The following FOXP1 variants were observed in gnomAD, a reference collection of about 807,000 sequenced individuals.
FOXP1 encodes forkhead box P1.
A neutral mutation model predicts 98.2 loss-of-function variants in FOXP1; 15 were observed. The observed-to-expected ratio is 0.15, with a 90% CI of 0.10 to 0.24. FOXP1 has a LOEUF of 0.24. FOXP1 is among the 10% of genes least tolerant of loss of function. The pLI, the probability that FOXP1 is intolerant of heterozygous loss-of-function variation, is 1.00. For synonymous variants in FOXP1, 371 were observed against 314.5 expected (o/e 1.18, Z -1.90); for missense variants, 633 against 848.5 (o/e 0.75, Z 3.15).
intron 2 of FOXP1, among the ~76,000 whole-genome samples, chr3:71,574,684 G>GA (rs969417733): frequency 4.0e-5 from 6 of 151,244 alleles, no homozygotes; most frequent in African/African-American, 1.2e-4. Context: ...GGAATACTCA[G>GA]AAAAAAAAAT....
chr3:71,111,885 T>C (rs929746478), intron 7 of FOXP1, among the ~76,000 whole-genome samples: 15 of 152,158 alleles, frequency 9.9e-5, no homozygotes, highest in African/African-American at 2.9e-4. Flanking sequence ...GTATATATTA[T>C]AATCATTACA....
intron 6 of FOXP1, chr3:71,130,601 G>A: frequency 8.8e-6 from 14 of 1,598,354 alleles, no homozygotes; most frequent in Non-Finnish European, 1.2e-5. Flanking sequence ...AGCGGGGGTT[G>A]CCGAGTGGTA....
intron 4 of FOXP1, among the ~76,000 whole-genome samples, chr3:71,344,980 A>T (rs2077236824): frequency 1.3e-5 from 2 of 152,258 alleles, no homozygotes; most frequent in African/African-American, 4.8e-5. Flanking sequence ...CACATTCTAT[A>T]CTGCATATAT....
chr3:71,463,465 C>T (rs2088368448), intron 3 of FOXP1, among the ~76,000 whole-genome samples: 1 of 151,266 alleles, frequency 6.6e-6, no homozygotes, highest in African/African-American at 2.4e-5. Flanking sequence ...CAGGAAAATT[C>T]AGGGCCCTGC....
chr3:71,568,803 C>T (rs917848307), intron 2 of FOXP1, among the ~76,000 whole-genome samples: 6 of 152,092 alleles, frequency 3.9e-5, no homozygotes, highest in Non-Finnish European at 5.9e-5. Flanking sequence ...TGAGCCACCA[C>T]GCCCGGCTAA....
At chr3:71,217,992 C>G (rs1280359707) in intron 5 of FOXP1, among the ~76,000 whole-genome samples, 1 of 152,186 alleles carries the variant, frequency 6.6e-6, no homozygotes, top group African/African-American at 2.4e-5. Context: ...ACATCCTCCC[C>G]TCCCCTGGCT....
chr3:71,010,186 A>G (rs559412685), intron 12 of FOXP1, among the ~76,000 whole-genome samples: 75 of 152,192 alleles, frequency 4.9e-4, no homozygotes, highest in African/African-American at 1.7e-3. Context: ...CTACCCAGTC[A>G]GGCTTTCTCC....
At chr3:71,258,353 C>T (rs900772675) in intron 5 of FOXP1, among the ~76,000 whole-genome samples, 1 of 152,042 alleles carries the variant, frequency 6.6e-6, no homozygotes, top group African/African-American at 2.4e-5. Context: ...GATTGGCATC[C>T]AACACTGAAG....
At chr3:71,411,617 C>T (rs112448505) in intron 3 of FOXP1, among the ~76,000 whole-genome samples, 2 of 152,294 alleles carry the variant, frequency 1.3e-5, no homozygotes, top group South Asian at 2.1e-4. Flanking sequence ...CCACTGCGCC[C>T]GGCTGAATGG....
chr3:71,443,684 T>G (rs2086153883), intron 3 of FOXP1, among the ~76,000 whole-genome samples: 1 of 152,230 alleles, frequency 6.6e-6, no homozygotes, highest in African/African-American at 2.4e-5. Flanking sequence ...AGCTGCCAAG[T>G]GACCTGCTCT....
chr3:71,552,790 C>A (rs2045871416), intron 2 of FOXP1, among the ~76,000 whole-genome samples: 1 of 151,856 alleles, frequency 6.6e-6, no homozygotes, highest in Admixed American at 6.6e-5. Flanking sequence ...TTTACAGTTA[C>A]CAAATAATTT....
chr3:71,572,724 G>A (rs993311272), intron 2 of FOXP1: 2 of 152,086 alleles, frequency 1.3e-5, no homozygotes, highest in African/African-American at 4.8e-5. Flanking sequence ...GATGAGGATG[G>A]GATATTCCAG....
intron 13 of FOXP1, among the ~76,000 whole-genome samples, chr3:70,988,610 C>G (rs2040132095): frequency 6.6e-6 from 1 of 152,224 alleles, no homozygotes; most frequent in African/African-American, 2.4e-5. Context: ...GAGTGTAGAA[C>G]AAGCTTGCTC....
chr3:71,490,198 C>A (rs542214835), intron 3 of FOXP1, among the ~76,000 whole-genome samples: 1 of 152,114 alleles, frequency 6.6e-6, no homozygotes, highest in Admixed American at 6.6e-5. Context: ...TGGAAATGCA[C>A]CTTGAGAAAA....
intron 3 of FOXP1, among the ~76,000 whole-genome samples, chr3:71,408,882 G>A (rs1340984845): frequency 1.3e-5 from 2 of 152,126 alleles, no homozygotes; most frequent in African/African-American, 4.8e-5. Context: ...AGGCAGAATC[G>A]ATGAACAAAT....
intron 4 of FOXP1, among the ~76,000 whole-genome samples, chr3:71,343,030 A>G (rs545608842): frequency 6.6e-6 from 1 of 152,360 alleles, no homozygotes; most frequent in African/African-American, 2.4e-5. Flanking sequence ...CATAGTACTT[A>G]CAAGAACTCA....
chr3:71,318,582 C>T (rs773042294), intron 4 of FOXP1, among the ~76,000 whole-genome samples: 6 of 152,224 alleles, frequency 3.9e-5, no homozygotes, highest in Admixed American at 1.3e-4. Flanking sequence ...GGCCGTACCA[C>T]TCTAACTGCA....
chr3:71,340,422 G>A (rs141149570), intron 4 of FOXP1, among the ~76,000 whole-genome samples: 211 of 152,242 alleles, frequency 1.4e-3, no homozygotes, highest in African/African-American at 5.0e-3. Context: ...TATTTTGGGG[G>A]GAAAAGCAAT....
intron 6 of FOXP1, among the ~76,000 whole-genome samples, chr3:71,180,345 G>A (rs137906561): frequency 1.3e-5 from 2 of 152,046 alleles, no homozygotes; most frequent in Non-Finnish European, 2.9e-5. Context: ...ATTATTTGCT[G>A]TCTTGGTTCT....
Sources: gnomAD v4.1 joint callset for allele counts (sites outside exome capture counted in the v4.1 genomes callset) on GRCh38, gnomAD v4.1.1 for gene constraint, MANE v1.5 for transcripts, NCBI Gene and HGNC (gene_info 2026-07-23, HGNC 2026-07-21) for gene names.